Variants in NIBAN2 observed in about 807,000 individuals in gnomAD.
The protein encoded by NIBAN2 is niban apoptosis regulator 2, also known as protein Niban 2.
Under a neutral mutation model 81.8 loss-of-function variants are expected in NIBAN2, and 36 were observed. The ratio of observed to expected loss-of-function variants is 0.44; its 90% CI spans 0.34 to 0.58. The LOEUF is 0.58. Among genes scored for constraint, NIBAN2 ranks in the 20% least tolerant of loss-of-function variants. The pLI, the probability that NIBAN2 is intolerant of heterozygous loss-of-function variation, is 0.02. For synonymous variants in NIBAN2, 445 were observed against 441.6 expected, an observed-to-expected ratio of 1.01 and a Z score of -0.10; for missense variants, 897 against 1,014.1, an observed-to-expected ratio of 0.88 and a Z score of 1.57.
Position 127,559,557 on chromosome 9 carries a change from C to G in NIBAN2, c.55+9263G>C, listed in dbSNP as rs1462669245. ...GTGGGCAGCTTCTTCCCAAGGGACT[C>G]CTCTTCTAGAAGGTGCTAAGCTTCA... is the stretch of plus-strand genomic sequence containing the variant. On this transcript the variant is annotated intron_variant, in intron 1 of 13. Transcript: ENST00000373312. This position sits in a 1 kb window ranked among gnomAD's most constrained non-coding sequence, Gnocchi z 4.0. Among the ~76,000 whole-genome samples, 2 of 152,226 alleles carry G rather than the reference C, an allele frequency of 1.3e-5. No homozygotes were observed. Among genetic ancestry groups the G allele is most frequent in the East Asian group, 3.8e-4 (2 of 5,200 alleles).
intron 1 of NIBAN2, among the ~76,000 whole-genome samples, chr9:127,550,297 A>G (rs1318835985): frequency 6.6e-6 from 1 of 152,196 alleles, no homozygotes; most frequent in Non-Finnish European, 1.5e-5. Context: ...CACATTGGGA[A>G]GCCCAGAGGA....
chr9:127,568,318 CTT>C (rs1837893478), intron 1 of NIBAN2, among the ~76,000 whole-genome samples: 1 of 152,180 alleles, frequency 6.6e-6, no homozygotes, highest in Non-Finnish European at 1.5e-5. Context: ...AGTCCCGGGC[CTT>C]CATGGGCGCG....
At chr9:127,552,732 A>G (rs894206350) in intron 1 of NIBAN2, among the ~76,000 whole-genome samples, 8 of 114,696 alleles carry the variant, frequency 7.0e-5, no homozygotes, top group Non-Finnish European at 1.1e-4. Context: ...TCTGTCACCC[A>G]GGCTGGAGTA....
chr9:127,521,652 C>T (rs1386862809), intron 5 of NIBAN2, among the ~76,000 whole-genome samples: 2 of 152,036 alleles, frequency 1.3e-5, no homozygotes, highest in Non-Finnish European at 1.5e-5. Context: ...TCTCACAGTC[C>T]GCAGGGTGGA....
chr9:127,550,740 T>G (rs898629333), intron 1 of NIBAN2, among the ~76,000 whole-genome samples: 2 of 152,204 alleles, frequency 1.3e-5, no homozygotes, highest in African/African-American at 4.8e-5. Context: ...GGCAGGACCC[T>G]TCCTGCAAAT....
chr9:127,540,123 C>G (rs1321088156), intron 1 of NIBAN2, among the ~76,000 whole-genome samples: 3 of 152,180 alleles, frequency 2.0e-5, no homozygotes, highest in Admixed American at 6.5e-5. Context: ...CCTGGCCCAC[C>G]CTGGGACCAG....
Position 127,566,064 on chromosome 9 carries a change from C to T in NIBAN2, c.55+2756G>A, listed in dbSNP as rs140433503. On this transcript the variant is annotated intron_variant, in intron 1 of 13. Transcript: ENST00000373312. ...GGAGGATCACTTGAGCCCAGGAGGT[C>T]GAGGCTGCAATTAGCTATGATGATG... is the stretch of plus-strand genomic sequence containing the variant. Among the ~76,000 whole-genome samples the T allele has an allele frequency of 8.1e-3, 1,220 of 150,262 alleles. 16 individuals carry two copies. The highest frequency in any genetic ancestry group is 0.028 in the African/African-American group (1,148 of 40,786).
chr9:127,528,154 G>A (rs767876188), intron 2 of NIBAN2, among the ~76,000 whole-genome samples: 6 of 152,208 alleles, frequency 3.9e-5, no homozygotes, highest in Non-Finnish European at 5.9e-5. Flanking sequence ...AGGACTCAGC[G>A]TCTGTGACGA....
chr9:127,527,164 C>A (rs773252034), intron 3 of NIBAN2, 30 bp downstream of exon 3: 2 of 1,609,108 alleles, frequency 1.2e-6, no homozygotes, highest in South Asian at 2.2e-5. Context: ...AGCGGGGAGG[C>A]TCAGTGTGGC....
intron 5 of NIBAN2, among the ~76,000 whole-genome samples, chr9:127,521,695 G>C (rs1233479990): frequency 6.6e-6 from 1 of 152,114 alleles, no homozygotes; most frequent in African/African-American, 2.4e-5. Context: ...GTCAGCTCCC[G>C]CCCTGGGGAG....
At chr9:127,578,843 C>G in intron 1 of NIBAN2, 1 of 1,418,834 alleles carries the variant, frequency 7.0e-7, no homozygotes, top group Non-Finnish European at 9.8e-7. Flanking sequence ...AGTGACAGAG[C>G]AAAACCTCCT....
chr9:127,544,895 C>A (rs1564312087), intron 1 of NIBAN2, among the ~76,000 whole-genome samples: 2 of 152,218 alleles, frequency 1.3e-5, no homozygotes, highest in Non-Finnish European at 2.9e-5. Context: ...TAAGAGGCCA[C>A]TGGACCTGGG....
rs199701031 is a variant in NIBAN2, at chr9:127,523,884, G to A, written c.422-38C>T. On this transcript the variant is annotated intron_variant, in intron 4 of 13. Coordinates refer to ENST00000373312, the MANE Select transcript of NIBAN2 (RefSeq NM_022833.4). ...TGCCTGATGAGCAGCTGCCCTCTGT[G>A]GTTGCCCTCCACCAGAGGATGTCAG... The A allele has an allele frequency of 6.6e-5, 105 of 1,587,686 alleles. No homozygotes were observed. The East Asian group carries it at 2.0e-3, about 30-fold the overall frequency.
intron 1 of NIBAN2, among the ~76,000 whole-genome samples, chr9:127,576,943 G>A (rs527680172): frequency 1.7e-3 from 260 of 151,236 alleles, no homozygotes; most frequent in African/African-American, 5.9e-3. Context: ...CACCTGCCTC[G>A]GCCTCCCAAA....
At chr9:127,524,971 A>G in intron 4 of NIBAN2, 87 bp downstream of exon 4, 5 of 996,884 alleles carry the variant, frequency 5.0e-6, no homozygotes, top group Non-Finnish European at 7.8e-6. Flanking sequence ...CATGGGGCTG[A>G]AAGCAATGGG....
intron 2 of NIBAN2, among the ~76,000 whole-genome samples, chr9:127,530,240 G>A (rs1019030976): frequency 2.6e-5 from 4 of 152,254 alleles, no homozygotes; most frequent in African/African-American, 9.6e-5. Flanking sequence ...CACTGGGGAA[G>A]AGGCAACCTT....
chr9:127,532,964 C>T (rs1837211774), intron 1 of NIBAN2, among the ~76,000 whole-genome samples: 1 of 152,062 alleles, frequency 6.6e-6, no homozygotes, highest in Admixed American at 6.6e-5. Context: ...TCGAGACCAG[C>T]CTGGCCAACA....
intron 1 of NIBAN2, among the ~76,000 whole-genome samples, chr9:127,561,784 C>T (rs953560495): frequency 6.6e-6 from 1 of 152,224 alleles, no homozygotes; most frequent in African/African-American, 2.4e-5. Flanking sequence ...AAAGATTGTA[C>T]CCTTCCATGA....
rs1011590940 is a variant in NIBAN2, at chr9:127,508,869, G to A, written c.1317+107C>T. 16 of 1,276,522 alleles carry A rather than the reference G, an allele frequency of 1.3e-5. No individual in the cohort carries two copies. The highest frequency in any genetic ancestry group is 1.7e-5 in the Non-Finnish European group (15 of 889,998). The allele number at this position is 1,276,522 out of a possible 1,614,324, so 79.1% of individuals were successfully genotyped here. ...GAGGAGGAGAGAGCGTGCCAGGCAA[G>A]CGTGGCTATGGCATGACGGGACGGA... On this transcript the variant is annotated intron_variant, in intron 10 of 13. Transcript: ENST00000373312. This position sits in a 1 kb window ranked among gnomAD's most constrained non-coding sequence, Gnocchi z 6.4.
Sources: allele counts gnomAD v4.1 joint callset (sites outside exome capture counted in the v4.1 genomes callset), GRCh38; gene constraint gnomAD v4.1.1; non-coding constraint Gnocchi (gnomAD v3.1); transcripts MANE v1.5; gene names NCBI Gene and HGNC (gene_info 2026-07-23, HGNC 2026-07-21).